The following MAOA variants were observed in gnomAD, a reference collection of about 807,000 sequenced individuals.
MAOA encodes monoamine oxidase A, also known as amine oxidase [flavin-containing] A.
Under a neutral mutation model 42.0 loss-of-function variants are expected in MAOA, and 6 were observed. That is an observed-to-expected ratio of 0.14 (90% confidence interval 0.08 to 0.28). MAOA has a LOEUF of 0.28. Among genes scored for constraint, MAOA ranks in the 10% least tolerant of loss-of-function variants. The probability of loss-of-function intolerance (pLI) is 1.00; values close to 1 mark genes in which losing one functional copy is unlikely to be tolerated. For missense variants in MAOA, 262 were observed against 422.3 expected, an observed-to-expected ratio of 0.62 and a Z score of 3.33; for synonymous variants, 140 against 154.0, an observed-to-expected ratio of 0.91 and a Z score of 0.67.
chrX:43,668,563 G>C (rs1404942240), intron 1 of MAOA, among the ~76,000 whole-genome samples: 1 of 111,977 alleles, frequency 8.9e-6, no homozygotes, highest in Non-Finnish European at 1.9e-5. Flanking sequence ...GTTAGAGAGA[G>C]ATTCTGCTTT....
intron 5 of MAOA, among the ~76,000 whole-genome samples, chrX:43,727,962 T>C (rs1169410591): frequency 8.9e-6 from 1 of 112,058 alleles, no homozygotes; most frequent in African/African-American, 3.2e-5. Flanking sequence ...GACCCTTGGC[T>C]CCTTTTCAAC....
At chrX:43,663,391 A>G (rs1042802779) in intron 1 of MAOA, among the ~76,000 whole-genome samples, 14 of 112,037 alleles carry the variant, frequency 1.2e-4, no homozygotes, top group African/African-American at 4.2e-4. Context: ...TGTTAAGAAC[A>G]TAAAAAACAG....
chrX:43,693,182 T>G (rs1333704049), intron 2 of MAOA, 109 bp from the exon 3 acceptor site: 1 of 752,373 alleles, frequency 1.3e-6, no homozygotes, highest in East Asian at 3.4e-5. Context: ...ATAGGGGAGA[T>G]GTAAGGCACA....
At chrX:43,714,222 C>T (rs141881647) in intron 5 of MAOA, among the ~76,000 whole-genome samples, 137 of 110,323 alleles carry the variant, frequency 1.2e-3, no homozygotes, top group Non-Finnish European at 2.1e-3. Flanking sequence ...GAAAGACCCA[C>T]AGAAACAAGG....
intron 2 of MAOA, among the ~76,000 whole-genome samples, chrX:43,684,899 C>T (rs1401509746): frequency 5.2e-4 from 35 of 67,149 alleles, no homozygotes; most frequent in African/African-American, 1.5e-3. Flanking sequence ...TTTTTTGAGA[C>T]GGTGTTTTGC....
chrX:43,713,467 C>T (rs1056485172), intron 5 of MAOA, among the ~76,000 whole-genome samples: 18 of 111,206 alleles, frequency 1.6e-4, no homozygotes, highest in African/African-American at 3.3e-4. Flanking sequence ...ACATGTACTC[C>T]GGAATTTAAA....
intron 1 of MAOA, 115 bp downstream of exon 1, chrX:43,656,529 G>A: frequency 1.4e-6 from 1 of 702,435 alleles, no homozygotes. Flanking sequence ...GTGTAGTGTA[G>A]CCATGGCTTG....
intron 6 of MAOA, among the ~76,000 whole-genome samples, chrX:43,730,297 G>T (rs777502602): frequency 9.1e-6 from 1 of 109,453 alleles, no homozygotes; most frequent in African/African-American, 3.3e-5. Flanking sequence ...AGATTAAGCT[G>T]GAAACATTTC....
chrX:43,725,827 T>G (rs2033828924), intron 5 of MAOA, among the ~76,000 whole-genome samples: 1 of 112,223 alleles, frequency 8.9e-6, no homozygotes, highest in Non-Finnish European at 1.9e-5. Context: ...CCTTTCCATG[T>G]TTAGTGCTTC....
In MAOA at chrX:43,746,732, A is replaced by T. The variant is rs189494708; in HGVS notation, c.*2219A>T. 7 of 111,969 alleles carry T rather than the reference A, an allele frequency of 6.3e-5. No homozygotes were observed. The East Asian group carries it at 2.0e-3, about 31-fold the overall frequency. The allele number at this position is 111,969 out of a possible 1,213,427, so 9.2% of individuals were successfully genotyped here. On this transcript the variant is annotated 3_prime_UTR_variant, in exon 15 of 15. Transcript: ENST00000338702. Reference sequence around the variant, plus strand: ...GCCCCAGTGCTACACGTTGGAGTATACCTATGTGTGTGCTTTGCCACTGAA... The same window carrying T: ...GCCCCAGTGCTACACGTTGGAGTATTCCTATGTGTGTGCTTTGCCACTGAA...
upstream of MAOA, chrX:43,656,217 C>T (rs1292255873): frequency 1.7e-6 from 1 of 598,858 alleles, no homozygotes; most frequent in African/African-American, 2.2e-5. Flanking sequence ...CCCGGCTCCC[C>T]CCGGGTATCA....
rs771589064 is a variant in MAOA, at chrX:43,712,794, A to G, written c.501A>G (p.Thr167=). The G allele has an allele frequency of 2.3e-5, 27 of 1,188,622 alleles. No homozygotes were observed. In the East Asian group the frequency reaches 7.7e-4, roughly 34 times the overall value. Residue 167 remains threonine, a splice_region_variant and synonymous_variant, in exon 5 of 15, where the codon ACA becomes ACG. Transcript: ENST00000338702. ...MKELIDKICW[T]KTARRFAYLF... Reference sequence around the variant, plus strand: ...AGCTCATTGACAAAATCTGCTGGACAAAGTAAGTAGACTTGACCATTCAAA... The same window carrying G: ...AGCTCATTGACAAAATCTGCTGGACGAAGTAAGTAGACTTGACCATTCAAA...
At chrX:43,732,895 A>G (rs966679540) in intron 9 of MAOA, 100 bp downstream of exon 9, 16 of 578,836 alleles carry the variant, frequency 2.8e-5, no homozygotes, top group Non-Finnish European at 4.9e-5. Context: ...TCAAGCAATG[A>G]TGAATAATGC....
In MAOA at chrX:43,709,361, A is replaced by C. The variant is rs760014606; in HGVS notation, c.307-2511A>C. 9.9e-5 allele frequency among the ~76,000 whole-genome samples: 11 copies of C among 111,097 alleles called. No homozygotes were observed. In the East Asian group the frequency reaches 3.1e-3, roughly 31 times the overall value. ...TAGGAATGTGGGACACATTTTGTTG[A>C]GTTATATTTATAATTCTTTTCTTTA... On this transcript the variant is annotated intron_variant, in intron 3 of 14. Coordinates refer to ENST00000338702, the MANE Select transcript of MAOA (RefSeq NM_000240.4).
At position 43,743,881 on chromosome X, in the gene MAOA, G is replaced by C; in HGVS notation, c.1350G>C (p.Glu450Asp). The change falls in exon 13 of 15, where the codon GAG becomes GAC. Residue 450 changes from glutamate (E) to aspartate (D), a missense_variant. By Grantham distance (45) the Glu-to-Asp change is conservative (BLOSUM62 2). Around this residue, in one of 3 missense-constraint regions of MAOA, gnomAD observed 86 missense variants for 190.3 expected, o/e 0.45. Transcript: ENST00000338702. ...GCGGCTACATGGAAGGGGCAGTTGA[G>C]GCTGGAGAACGAGCAGCTAGGGAGG... ...KWSGYMEGAVEAGERAAREVL... is the reference protein window; with the variant it reads ...KWSGYMEGAVDAGERAAREVL... The C allele has an allele frequency of 8.5e-7, 1 of 1,171,485 alleles. No homozygotes were observed. Among genetic ancestry groups the C allele is most frequent in the Non-Finnish European group, 1.1e-6 (1 of 874,913 alleles).
intron 3 of MAOA, among the ~76,000 whole-genome samples, chrX:43,701,735 T>C (rs1221759412): frequency 5.4e-5 from 6 of 112,115 alleles, no homozygotes; most frequent in Non-Finnish European, 9.4e-5. Flanking sequence ...AGTGCCTCAG[T>C]ATTTGGGTTA....
chrX:43,728,283 C>A lies in MAOA; in HGVS notation c.614C>A (p.Thr205Asn). The change falls in exon 6 of 15, where the codon ACT (threonine) becomes AAT (asparagine). Residue 205 changes from threonine (T) to asparagine (N), a missense_variant. Around this residue, in one of 3 missense-constraint regions of MAOA, gnomAD observed 141 missense variants for 195.6 expected, o/e 0.72. Coordinates refer to ENST00000338702, the MANE Select transcript of MAOA (RefSeq NM_000240.4). ...TATGTGAAGCAGTGCGGGGGCACCA[C>A]TCGGATATTCTCTGTCACCAATGGT... is the stretch of plus-strand genomic sequence containing the variant. Reference protein sequence around the residue: ...LWYVKQCGGTTRIFSVTNGGQ... With the variant: ...LWYVKQCGGTNRIFSVTNGGQ... 8.3e-7 allele frequency: 1 copy of A among 1,211,187 alleles called. No homozygotes were observed. The highest frequency in any genetic ancestry group is 1.1e-6 in the Non-Finnish European group (1 of 895,152).
At chrX:43,722,346 G>A (rs1224760310) in intron 5 of MAOA, among the ~76,000 whole-genome samples, 3 of 112,233 alleles carry the variant, frequency 2.7e-5, no homozygotes, top group Non-Finnish European at 3.8e-5. Context: ...ATCCTCTCCA[G>A]CATCTGTTGT....
intron 2 of MAOA, among the ~76,000 whole-genome samples, chrX:43,688,073 AC>A (rs1452308713): frequency 8.9e-6 from 1 of 111,940 alleles, no homozygotes; most frequent in Non-Finnish European, 1.9e-5. Context: ...AGACCTTCCA[AC>A]GGCTCCCCTT....
Sources: allele counts gnomAD v4.1 joint callset (sites outside exome capture counted in the v4.1 genomes callset), GRCh38; gene constraint gnomAD v4.1.1; regional missense constraint gnomAD v4.1.1; transcripts MANE v1.5; gene names NCBI Gene and HGNC (gene_info 2026-07-23, HGNC 2026-07-21).